Variants in XIRP2 observed in about 807,000 individuals in gnomAD.
XIRP2 encodes the protein xin actin-binding repeat-containing protein 2.
Under a neutral mutation model 277.0 loss-of-function variants are expected in XIRP2, and 236 were observed. That is an observed-to-expected ratio of 0.85 (90% confidence interval 0.77 to 0.95). The LOEUF is 0.95. Among genes scored for constraint, XIRP2 ranks in the 40% least tolerant of loss-of-function variants. The probability of loss-of-function intolerance (pLI) is 0.00; values close to 1 mark genes in which losing one functional copy is unlikely to be tolerated. For synonymous variants in XIRP2, 1,490 were observed against 1,416.5 expected (o/e 1.05, Z -1.17); for missense variants, 4,640 against 4,157.5 (o/e 1.12, Z -3.19).
intron 3 of XIRP2, among the ~76,000 whole-genome samples, chr2:167,188,497 T>C (rs1693229250): frequency 1.3e-5 from 2 of 152,184 alleles, no homozygotes; most frequent in African/African-American, 4.8e-5. Flanking sequence ...TTATGTACAG[T>C]GCACCAAAGG....
chr2:167,101,046 C>T (rs928356068), intron 2 of XIRP2, among the ~76,000 whole-genome samples: 16 of 151,988 alleles, frequency 1.1e-4, no homozygotes, highest in Non-Finnish European at 8.8e-5. Flanking sequence ...ATCTTTTGAA[C>T]GTTGAGAGTT....
intron 2 of XIRP2, among the ~76,000 whole-genome samples, chr2:166,981,538 C>T (rs1358100014): frequency 2.6e-5 from 4 of 152,074 alleles, no homozygotes; most frequent in East Asian, 1.9e-4. Context: ...TCTCCTGCCT[C>T]GGCCTCCAGA....
intron 2 of XIRP2, among the ~76,000 whole-genome samples, chr2:167,042,098 T>C (rs1688672689): frequency 6.6e-6 from 1 of 152,104 alleles, no homozygotes; most frequent in African/African-American, 2.4e-5. Flanking sequence ...CTAAGTTTCA[T>C]AAGCAAAGGA....
At chr2:167,166,382 G>T (rs6709078) in intron 3 of XIRP2, among the ~76,000 whole-genome samples, 15,034 of 152,016 alleles carry the variant, frequency 0.099, 785 homozygotes, top group South Asian at 0.15. Context: ...CTAGAATATG[G>T]TCTGTCTTAC....
rs1559043239 is a variant in XIRP2 at position 167,248,843 on chromosome 2, A to G, written c.7451A>G (p.Lys2484Arg). 1 of 1,613,646 alleles carries G rather than the reference A, an allele frequency of 6.2e-7. No individual in the cohort carries two copies. Among genetic ancestry groups the G allele is most frequent in the Admixed American group, 1.7e-5 (1 of 59,942 alleles). Reference sequence around the variant, plus strand: ...GAGACAAAGCAGAACGTTATTAGTAAGAGTCTTGATGAAAGAAAACAATTA... The same window carrying G: ...GAGACAAAGCAGAACGTTATTAGTAGGAGTCTTGATGAAAGAAAACAATTA... ...HTETKQNVIS[K>R]SLDERKQLSI... The change falls in exon 9 of 11, where the codon AAG becomes AGG. Residue 2484 changes from lysine (K) to arginine (R), a missense_variant. Transcript: ENST00000409195.
At chr2:167,153,461 G>C (rs1460258225) in intron 3 of XIRP2, among the ~76,000 whole-genome samples, 1 of 151,828 alleles carries the variant, frequency 6.6e-6, no homozygotes, top group African/African-American at 2.4e-5. Context: ...ACAATGTGCA[G>C]GTTAGTTACA....
At chr2:166,957,781 C>T (rs1475409879) in intron 2 of XIRP2, among the ~76,000 whole-genome samples, 1 of 151,778 alleles carries the variant, frequency 6.6e-6, no homozygotes, top group Non-Finnish European at 1.5e-5. Flanking sequence ...GATTTAGGTT[C>T]ACTTCAGGCG....
intron 10 of XIRP2, 62 bp downstream of exon 10, chr2:167,254,227 A>AT: frequency 6.5e-7 from 1 of 1,526,856 alleles, no homozygotes; most frequent in Non-Finnish European, 8.8e-7. Flanking sequence ...GTATAGCCTC[A>AT]TATCTCTAGG....
At chr2:167,007,428 G>GA (rs1182269829) in intron 2 of XIRP2, among the ~76,000 whole-genome samples, 3 of 151,476 alleles carry the variant, frequency 2.0e-5, no homozygotes, top group East Asian at 1.9e-4. Flanking sequence ...GGATATCTCA[G>GA]AAAAAATGAC....
At chr2:167,166,573 G>T (rs1692526359) in intron 3 of XIRP2, among the ~76,000 whole-genome samples, 1 of 152,188 alleles carries the variant, frequency 6.6e-6, no homozygotes, top group African/African-American at 2.4e-5. Context: ...GCTTGCACCT[G>T]CTTCTGGTGA....
intron 5 of XIRP2, among the ~76,000 whole-genome samples, chr2:167,229,597 T>G (rs2105415193): frequency 6.6e-6 from 1 of 152,248 alleles, no homozygotes; most frequent in Non-Finnish European, 1.5e-5. Flanking sequence ...TCTTTCTGCT[T>G]CTTCTGGGTC....
At chr2:167,023,375 G>C (rs530242291) in intron 2 of XIRP2, among the ~76,000 whole-genome samples, 128 of 151,902 alleles carry the variant, frequency 8.4e-4, no homozygotes, top group African/African-American at 2.9e-3. Flanking sequence ...AGATGAGTAG[G>C]TTGCAAAAAT....
chr2:166,904,718 G>T (rs1038379248), intron 2 of XIRP2, among the ~76,000 whole-genome samples: 1 of 152,012 alleles, frequency 6.6e-6, no homozygotes, highest in Non-Finnish European at 1.5e-5. Flanking sequence ...ATTTTGCAAA[G>T]AATTAATACA....
At chr2:166,972,599 T>G (rs2105421896) in intron 2 of XIRP2, among the ~76,000 whole-genome samples, 1 of 152,226 alleles carries the variant, frequency 6.6e-6, no homozygotes, top group Admixed American at 6.5e-5. Context: ...AGCCATAAAG[T>G]TTTATTAAGA....
chr2:167,221,092 A>G (rs1476930166), intron 5 of XIRP2, among the ~76,000 whole-genome samples: 1 of 152,224 alleles, frequency 6.6e-6, no homozygotes, highest in Non-Finnish European at 1.5e-5. Context: ...TAAATACAAT[A>G]TAAAAGAAAC....
intron 3 of XIRP2, among the ~76,000 whole-genome samples, chr2:167,166,767 G>A (rs73021970): frequency 0.079 from 12,071 of 152,176 alleles, 530 homozygotes; most frequent in South Asian, 0.15. Flanking sequence ...GATCTGCCCC[G>A]ATGATCCAAA....
chr2:167,234,669 T>G (rs1655847781), intron 5 of XIRP2, among the ~76,000 whole-genome samples: 1 of 151,808 alleles, frequency 6.6e-6, no homozygotes, highest in African/African-American at 2.4e-5. Flanking sequence ...TCTCATAACT[T>G]TAGGCAGAGT....
chr2:166,976,525 T>G (rs1162401632), intron 2 of XIRP2, among the ~76,000 whole-genome samples: 2 of 152,232 alleles, frequency 1.3e-5, no homozygotes, highest in Admixed American at 1.3e-4. Flanking sequence ...CAACTTCAAA[T>G]TATTTCAGTC....
chr2:167,091,018 A>G (rs878944673), intron 2 of XIRP2, among the ~76,000 whole-genome samples: 2 of 152,168 alleles, frequency 1.3e-5, no homozygotes, highest in Admixed American at 1.3e-4. Context: ...CAGAAAGAAA[A>G]TAAAATGTAA....
Sources: allele counts gnomAD v4.1 joint callset (sites outside exome capture counted in the v4.1 genomes callset), GRCh38; gene constraint gnomAD v4.1.1; transcripts MANE v1.5; gene names NCBI Gene and HGNC (gene_info 2026-07-23, HGNC 2026-07-21).